The following EHBP1 variants were observed in gnomAD, a reference collection of about 807,000 sequenced individuals.
EHBP1 encodes the protein EH domain-binding protein 1.
In EHBP1, 55 loss-of-function variants were observed where a neutral mutation model predicts 144.0. The ratio of observed to expected loss-of-function variants is 0.38; its 90% CI spans 0.31 to 0.48. The LOEUF (loss-of-function observed/expected upper bound fraction) is 0.48. Among genes scored for constraint, EHBP1 ranks in the 20% least tolerant of loss-of-function variants. EHBP1 has a pLI of 0.98. For missense variants in EHBP1, 1,200 were observed against 1,364.2 expected (o/e 0.88, Z 1.90); for synonymous variants, 469 against 472.7 (o/e 0.99, Z 0.10).
chr2:62,815,818 G>A (rs577954752), intron 5 of EHBP1, among the ~76,000 whole-genome samples: 15 of 152,130 alleles, frequency 9.9e-5, no homozygotes, highest in Non-Finnish European at 5.9e-5. Flanking sequence ...AAACAAATAT[G>A]ATTTTTTGGA....
chr2:62,995,166 C>A (rs1359976872), intron 18 of EHBP1, among the ~76,000 whole-genome samples: 1 of 151,992 alleles, frequency 6.6e-6, no homozygotes, highest in Admixed American at 6.6e-5. Flanking sequence ...TTAAAGTTAC[C>A]ATTAGCATTT....
intron 10 of EHBP1, among the ~76,000 whole-genome samples, chr2:62,894,388 A>G (rs2052708243): frequency 6.6e-6 from 1 of 152,088 alleles, no homozygotes; most frequent in South Asian, 2.1e-4. Context: ...TAGGAATAGG[A>G]AGAGGGAGAG....
intron 9 of EHBP1, among the ~76,000 whole-genome samples, chr2:62,865,826 T>G (rs1257474338): frequency 4.6e-5 from 7 of 152,176 alleles, no homozygotes; most frequent in African/African-American, 1.7e-4. Flanking sequence ...CAGATCCCAG[T>G]AATCACCCTG....
intron 2 of EHBP1, among the ~76,000 whole-genome samples, chr2:62,746,455 C>T (rs977055802): frequency 6.6e-6 from 1 of 151,780 alleles, no homozygotes; most frequent in South Asian, 2.1e-4. Context: ...GCACGGGATT[C>T]CAGTGTAAAA....
chr2:62,681,382 TATA>T (rs1271408456), intron 1 of EHBP1, among the ~76,000 whole-genome samples: 1 of 133,592 alleles, frequency 7.5e-6, no homozygotes, highest in African/African-American at 2.8e-5. Flanking sequence ...TGTATAAATA[TATA>T]ATGTGTATAT....
At chr2:62,880,644 G>A (rs1349339462) in intron 10 of EHBP1, among the ~76,000 whole-genome samples, 1 of 152,064 alleles carries the variant, frequency 6.6e-6, no homozygotes, top group Non-Finnish European at 1.5e-5. Context: ...TCGAGTATAT[G>A]AGAAAAAATG....
chr2:63,014,759 C>G (rs1212028114), intron 19 of EHBP1, among the ~76,000 whole-genome samples: 1 of 152,204 alleles, frequency 6.6e-6, no homozygotes, highest in Non-Finnish European at 1.5e-5. Flanking sequence ...AGGTGGATCA[C>G]CTGAGGTCGG....
chr2:62,751,963 T>C (rs866385289), intron 3 of EHBP1, among the ~76,000 whole-genome samples: 1 of 151,724 alleles, frequency 6.6e-6, no homozygotes, highest in Non-Finnish European at 1.5e-5. Flanking sequence ...TTTTGAAGGG[T>C]TTTTTGTGTC....
At chr2:62,709,447 G>T (rs1031965469) in intron 2 of EHBP1, among the ~76,000 whole-genome samples, 3 of 152,162 alleles carry the variant, frequency 2.0e-5, no homozygotes, top group Admixed American at 1.3e-4. Flanking sequence ...AAGGGAAATA[G>T]AACATTATCA....
At chr2:62,899,659 C>T (rs999227066) in intron 10 of EHBP1, among the ~76,000 whole-genome samples, 1 of 152,162 alleles carries the variant, frequency 6.6e-6, no homozygotes, top group African/African-American at 2.4e-5. Context: ...ACACTGAGGC[C>T]ATCTGAAAGT....
At chr2:62,866,236 A>G (rs1488838489) in intron 9 of EHBP1, among the ~76,000 whole-genome samples, 3 of 152,252 alleles carry the variant, frequency 2.0e-5, no homozygotes, top group African/African-American at 7.2e-5. Flanking sequence ...GGCTCAAAAG[A>G]ATCAAACTTA....
intron 2 of EHBP1, among the ~76,000 whole-genome samples, chr2:62,714,737 A>G (rs1340091358): frequency 1.3e-5 from 2 of 152,224 alleles, no homozygotes; most frequent in East Asian, 3.9e-4. Context: ...AGGTTAGAGT[A>G]GGTGGGAAGA....
intron 14 of EHBP1, among the ~76,000 whole-genome samples, chr2:62,961,404 G>A (rs2057994745): frequency 1.3e-5 from 2 of 152,160 alleles, no homozygotes; most frequent in Admixed American, 1.3e-4. Flanking sequence ...GTCTATGGGA[G>A]ACAGATTTCA....
chr2:62,987,014 GGT>G (rs1412998519), intron 15 of EHBP1, among the ~76,000 whole-genome samples: 1 of 152,024 alleles, frequency 6.6e-6, no homozygotes, highest in East Asian at 1.9e-4. Flanking sequence ...GGGTAGTAGG[GGT>G]ATTCTTCAAA....
chr2:63,032,280 C>G (rs1372546463), intron 19 of EHBP1, among the ~76,000 whole-genome samples: 2 of 148,392 alleles, frequency 1.3e-5, no homozygotes, highest in East Asian at 3.9e-4. Context: ...AAAAAAAGGT[C>G]AGTTCAGGCT....
chr2:62,799,622 A>T (rs907291040), intron 5 of EHBP1, among the ~76,000 whole-genome samples: 1 of 152,194 alleles, frequency 6.6e-6, no homozygotes, highest in African/African-American at 2.4e-5. Flanking sequence ...GCTCAACACT[A>T]CACAAATATT....
intron 19 of EHBP1, among the ~76,000 whole-genome samples, chr2:62,997,540 TAA>T (rs2059690034): frequency 6.6e-6 from 1 of 151,546 alleles, no homozygotes; most frequent in Non-Finnish European, 1.5e-5. Flanking sequence ...TACCAAATTA[TAA>T]GTTATATTAA....
At chr2:62,881,713 A>G (rs896444795) in intron 10 of EHBP1, 2 of 152,224 alleles carry the variant, frequency 1.3e-5, no homozygotes, top group Admixed American at 1.3e-4. Context: ...CGTGATGACT[A>G]CATGGAAAGG....
intron 10 of EHBP1, among the ~76,000 whole-genome samples, chr2:62,876,490 T>C (rs1191884176): frequency 6.6e-6 from 1 of 152,158 alleles, no homozygotes; most frequent in Non-Finnish European, 1.5e-5. Context: ...GTGCTAAACA[T>C]AGAAACCAAA....
Sources: allele counts gnomAD v4.1 joint callset (sites outside exome capture counted in the v4.1 genomes callset), GRCh38; gene constraint gnomAD v4.1.1; transcripts MANE v1.5; gene names NCBI Gene and HGNC (gene_info 2026-07-23, HGNC 2026-07-21).